The following TFDP2 variants were observed in gnomAD, a reference collection of about 807,000 sequenced individuals.
TFDP2 encodes the protein transcription factor Dp-2.
In TFDP2, 17 loss-of-function variants were observed where a neutral mutation model predicts 59.3. That is an observed-to-expected ratio of 0.29 (90% CI 0.20 to 0.43). The LOEUF (loss-of-function observed/expected upper bound fraction) is 0.43. Among genes scored for constraint, TFDP2 ranks in the 20% least tolerant of loss-of-function variants. The pLI is 1.00. For synonymous variants in TFDP2, 180 were observed against 194.7 expected (o/e 0.92, Z 0.63); for missense variants, 391 against 528.8 (o/e 0.74, Z 2.56).
intron 4 of TFDP2, among the ~76,000 whole-genome samples, chr3:141,995,487 G>A (rs146581744): frequency 1.6e-3 from 241 of 152,320 alleles, no homozygotes; most frequent in Non-Finnish European, 2.9e-3. Flanking sequence ...TGATTTACTA[G>A]AACCAGGGCA....
rs550465338 is a variant in TFDP2, at chr3:142,100,569, C to T, written c.15+1166G>A. ...TGTATTTTTAGTAGAGACGGGGTTT[C>T]ACCATGTTGGCCAGGCTGGTCTCGA... On this transcript the variant is annotated intron_variant, in intron 2 of 12. Coordinates refer to ENST00000489671, the MANE Select transcript of TFDP2 (RefSeq NM_001178139.2). Among the ~76,000 whole-genome samples the T allele has an allele frequency of 3.4e-4, 51 of 152,200 alleles. No individual in the cohort carries two copies. In the South Asian group the frequency reaches 0.011, roughly 32 times the overall value.
chr3:142,087,610 C>A (rs1157674621), intron 3 of TFDP2, among the ~76,000 whole-genome samples: 2 of 151,894 alleles, frequency 1.3e-5, no homozygotes, highest in Non-Finnish European at 2.9e-5. Flanking sequence ...AAGTGATCCT[C>A]CTGCCTCAGC....
intron 3 of TFDP2, among the ~76,000 whole-genome samples, chr3:142,022,285 C>T (rs1373111530): frequency 6.6e-6 from 1 of 152,096 alleles, no homozygotes; most frequent in Admixed American, 6.5e-5. Flanking sequence ...TTTTTAAGTG[C>T]CTCAGATGAT....
At chr3:141,992,358 C>G (rs11569215) in intron 6 of TFDP2, among the ~76,000 whole-genome samples, 1 of 152,046 alleles carries the variant, frequency 6.6e-6, no homozygotes, top group Admixed American at 6.5e-5. Flanking sequence ...TAACCTAACA[C>G]TTTTATGTGT....
At chr3:142,142,349 T>C (rs2062990405) in intron 1 of TFDP2, among the ~76,000 whole-genome samples, 1 of 152,170 alleles carries the variant, frequency 6.6e-6, no homozygotes, top group African/African-American at 2.4e-5. Flanking sequence ...AGTAACTCCA[T>C]TTACAACAGC....
intron 3 of TFDP2, chr3:142,028,789 A>G (rs2108397991): frequency 1.1e-6 from 1 of 897,576 alleles, no homozygotes; most frequent in African/African-American, 1.8e-5. Flanking sequence ...TGTTTACAAC[A>G]AAGACATCTC....
chr3:141,949,296 A>G lies in TFDP2; in HGVS notation c.*3217T>C, dbSNP rs939244867. 3.3e-5 allele frequency: 5 copies of G among 152,114 alleles called. No homozygotes were observed. Among genetic ancestry groups the G allele is most frequent in the African/African-American group, 1.2e-4 (5 of 41,414 alleles). The allele number at this position is 152,114 out of a possible 1,614,324, so 9.4% of individuals were successfully genotyped here. ...CTTCTTTAAAGAATTAAATTGAAGG[A>G]CGCCAAACTTGTGGCCATTGTCTGT... On this transcript the variant is annotated 3_prime_UTR_variant, in exon 13 of 13. Coordinates refer to ENST00000489671, the MANE Select transcript of TFDP2 (RefSeq NM_001178139.2).
At chr3:141,973,125 T>TATA (rs1559951924) in intron 8 of TFDP2, among the ~76,000 whole-genome samples, 700 of 69,654 alleles carry the variant, frequency 0.01, 5 homozygotes, top group African/African-American at 0.031. Context: ...ATATATATAT[T>TATA]TTTTTTTTTT....
intron 3 of TFDP2, among the ~76,000 whole-genome samples, chr3:142,030,899 C>A (rs1339047667): frequency 1.3e-5 from 2 of 151,422 alleles, no homozygotes; most frequent in African/African-American, 4.9e-5. Context: ...CCCGCCACTA[C>A]GCCCGGCTAA....
chr3:141,971,552 C>CA lies in TFDP2; in HGVS notation c.664-1412dup, dbSNP rs1370289492. Among the ~76,000 whole-genome samples the CA allele has an allele frequency of 2.6e-3, 348 of 134,420 alleles. 2 individuals are homozygous for CA. The highest frequency in any genetic ancestry group is 2.9e-3 in the Non-Finnish European group (180 of 61,450). The allele number at this position is 134,420 out of a possible 152,430, so 88.2% of individuals were successfully genotyped here. Reference sequence around the variant, plus strand: ...GTGACAGAGCAAGTCTCCAACTCAACAAAAAAAAAAAGAAAATTTATAGGA... The same window carrying CA: ...GTGACAGAGCAAGTCTCCAACTCAACAAAAAAAAAAAAGAAAATTTATAGGA... On this transcript the variant is annotated intron_variant, in intron 8 of 12. Coordinates refer to ENST00000489671, the MANE Select transcript of TFDP2 (RefSeq NM_001178139.2).
At chr3:142,085,123 G>T (rs2060771798) in intron 3 of TFDP2, among the ~76,000 whole-genome samples, 1 of 152,118 alleles carries the variant, frequency 6.6e-6, no homozygotes, top group Admixed American at 6.5e-5. Flanking sequence ...GTTTCACCAT[G>T]TTGGCCAGGC....
chr3:142,007,863 G>A (rs1206873946), intron 3 of TFDP2, among the ~76,000 whole-genome samples: 1 of 152,168 alleles, frequency 6.6e-6, no homozygotes. Flanking sequence ...TGATGCGAGT[G>A]ATGGGGAGTG....
At chr3:142,038,383 CAAAAAA>C (rs1184364752) in intron 3 of TFDP2, among the ~76,000 whole-genome samples, 5 of 41,438 alleles carry the variant, frequency 1.2e-4, no homozygotes, top group African/African-American at 5.5e-4. Flanking sequence ...GACTCCATCT[CAAAAAA>C]AAAAAAAAAA....
intron 2 of TFDP2, among the ~76,000 whole-genome samples, chr3:142,095,744 A>AT (rs1449497419): frequency 1.3e-5 from 2 of 152,196 alleles, no homozygotes; most frequent in African/African-American, 4.8e-5. Context: ...TTATTGTGCC[A>AT]TTACTAATAA....
intron 2 of TFDP2, among the ~76,000 whole-genome samples, chr3:142,093,557 GTTC>G (rs1223403533): frequency 3.3e-5 from 5 of 152,142 alleles, no homozygotes; most frequent in African/African-American, 1.2e-4. Flanking sequence ...TTTACTGACA[GTTC>G]TTTGAAAGCA....
chr3:141,958,047 C>A (rs1158585451), intron 11 of TFDP2, among the ~76,000 whole-genome samples: 2 of 152,080 alleles, frequency 1.3e-5, no homozygotes, highest in African/African-American at 2.4e-5. Flanking sequence ...TAGAACACTT[C>A]TACTCTGCTG....
intron 1 of TFDP2, among the ~76,000 whole-genome samples, chr3:142,106,716 A>C (rs762378906): frequency 3.9e-5 from 6 of 152,186 alleles, no homozygotes; most frequent in Non-Finnish European, 7.3e-5. Flanking sequence ...CAGCTTCATG[A>C]ACACATTATG....
intron 3 of TFDP2, among the ~76,000 whole-genome samples, chr3:142,025,592 A>C (rs1946013075): frequency 6.6e-6 from 1 of 152,176 alleles, no homozygotes; most frequent in South Asian, 2.1e-4. Context: ...AAGCCTGTCT[A>C]TTCCATCAAA....
intron 7 of TFDP2, among the ~76,000 whole-genome samples, chr3:141,975,070 C>T (rs1414262230): frequency 5.9e-5 from 9 of 151,876 alleles, no homozygotes; most frequent in African/African-American, 1.2e-4. Flanking sequence ...CACATCACCA[C>T]GCCCAGCTAA....
Sources: allele counts gnomAD v4.1 joint callset (sites outside exome capture counted in the v4.1 genomes callset), GRCh38; gene constraint gnomAD v4.1.1; transcripts MANE v1.5; gene names NCBI Gene and HGNC (gene_info 2026-07-23, HGNC 2026-07-21).